VAC14: variants seen among roughly 807,000 people sequenced by gnomAD.
The protein encoded by VAC14 is VAC14 component of PIKFYVE complex.
VAC14 carries 47 observed loss-of-function variants against 85.3 expected under a neutral mutation model. The ratio of observed to expected loss-of-function variants is 0.55; its 90% CI spans 0.44 to 0.70. The LOEUF is 0.70. Ranked by LOEUF, VAC14 falls within the 30% of genes least tolerant of loss-of-function variation. The pLI is 0.00. For synonymous variants in VAC14, 447 were observed against 430.5 expected, an observed-to-expected ratio of 1.04 and a Z score of -0.47; for missense variants, 861 against 1,004.3, an observed-to-expected ratio of 0.86 and a Z score of 1.93.
chr16:70,778,434 T>TA (rs1482722308), intron 9 of VAC14: 5 of 152,076 alleles, frequency 3.3e-5, no homozygotes, highest in African/African-American at 1.2e-4. Flanking sequence ...TTTTTTTTTT[T>TA]AAATTGAGAT....
In VAC14 at chr16:70,758,395, C is replaced by T. The variant is rs780073355; in HGVS notation, c.1371+4145G>A. On this transcript the variant is annotated intron_variant, in intron 12 of 18. Coordinates refer to ENST00000261776, the MANE Select transcript of VAC14 (RefSeq NM_018052.5). ...GTAAGGAAGGTTTAGAGCTAGGATT[C>T]AAGCCAGGGTCATGGCCACCTGTCT... 6.6e-5 allele frequency among the ~76,000 whole-genome samples: 10 copies of T among 152,320 alleles called. No homozygotes were observed. The Middle Eastern group carries it at 0.01, about 155-fold the overall frequency.
In VAC14 at chr16:70,711,224, C is replaced by A. The variant is rs978430415; in HGVS notation, c.1662-12413G>T. Among the ~76,000 whole-genome samples the A allele has an allele frequency of 4.6e-5, 7 of 152,242 alleles. No homozygotes were observed. The South Asian group carries it at 1.4e-3, about 32-fold the overall frequency. On this transcript the variant is annotated intron_variant, in intron 14 of 18. Coordinates refer to ENST00000261776, the MANE Select transcript of VAC14 (RefSeq NM_018052.5). The stretch of plus-strand genomic sequence containing the variant: ...GGAGGTCCACGATCTGTACTCTCAA[C>A]AAGCTTCCGGGGCGGCCAGAGACCT...
rs953224321 is a variant in VAC14, at chr16:70,784,829, C to T, written c.433G>A (p.Asp145Asn). The T allele has an allele frequency of 1.9e-6, 3 of 1,613,988 alleles. No individual in the cohort carries two copies. Among genetic ancestry groups the T allele is most frequent in the Non-Finnish European group, 2.5e-6 (3 of 1,180,000 alleles). The stretch of plus-strand genomic sequence containing the variant: ...CCGCTTTTCACATTGGGGTCTGGGT[C>T]GGCTGCCAGCTGCAAGAGGCACAGA... ...LFDGLSKLAA[D>N]PDPNVKSGSE... The change falls in exon 4 of 19, where the codon GAC becomes AAC. Residue 145 changes from aspartate to asparagine, a missense_variant. Asp to Asn is a conservative substitution (Grantham distance 23, BLOSUM62 1). Coordinates refer to ENST00000261776, the MANE Select transcript of VAC14 (RefSeq NM_018052.5).
At chr16:70,728,485 G>T (rs1341731216) in intron 14 of VAC14, among the ~76,000 whole-genome samples, 1 of 152,198 alleles carries the variant, frequency 6.6e-6, no homozygotes, top group Non-Finnish European at 1.5e-5. Context: ...AGCCCAGGAA[G>T]CCCAGGAGAT....
intron 14 of VAC14, among the ~76,000 whole-genome samples, chr16:70,701,988 T>TCAG (rs1256458459): frequency 6.6e-6 from 1 of 152,158 alleles, no homozygotes; most frequent in Non-Finnish European, 1.5e-5. Flanking sequence ...TGATGAAGCC[T>TCAG]CAGTCTGAAA....
At chr16:70,795,803 T>C (rs2034521212) in intron 1 of VAC14, among the ~76,000 whole-genome samples, 1 of 152,148 alleles carries the variant, frequency 6.6e-6, no homozygotes, top group Admixed American at 6.5e-5. Context: ...ATCAGGTGCG[T>C]TCAGGGAGGT....
chr16:70,783,327 G>A (rs982981517), intron 6 of VAC14, 118 bp downstream of exon 6: 11 of 1,127,494 alleles, frequency 9.8e-6, no homozygotes, highest in African/African-American at 1.5e-5. Flanking sequence ...AAGCACAAGA[G>A]CCAGGAAGAA....
chr16:70,758,873 T>C (rs1462829178), intron 12 of VAC14, among the ~76,000 whole-genome samples: 1 of 152,258 alleles, frequency 6.6e-6, no homozygotes, highest in African/African-American at 2.4e-5. Context: ...CAAATTCTTT[T>C]TGACAAAAGG....
intron 9 of VAC14, among the ~76,000 whole-genome samples, chr16:70,779,990 GCAC>G (rs2033728010): frequency 6.6e-6 from 1 of 150,820 alleles, no homozygotes; most frequent in Non-Finnish European, 1.5e-5. Context: ...CTATAGGTGT[GCAC>G]CACCATATCT....
At chr16:70,724,334 C>T (rs929750555) in intron 14 of VAC14, among the ~76,000 whole-genome samples, 1 of 152,226 alleles carries the variant, frequency 6.6e-6, no homozygotes, top group African/African-American at 2.4e-5. Context: ...CCCACTCCAT[C>T]TCCAGCCACT....
intron 14 of VAC14, chr16:70,715,935 T>C (rs937211380): frequency 6.6e-6 from 1 of 152,242 alleles, no homozygotes; most frequent in Non-Finnish European, 1.5e-5. Flanking sequence ...AGGTCACAAA[T>C]GCGCTGGCTC....
At chr16:70,768,570 T>G in intron 10 of VAC14, 1 of 300,402 alleles carries the variant, frequency 3.3e-6, no homozygotes. Context: ...CTTTTCCAGG[T>G]GGCATTCTTC....
At chr16:70,710,655 T>C (rs1276846904) in intron 14 of VAC14, among the ~76,000 whole-genome samples, 1 of 152,196 alleles carries the variant, frequency 6.6e-6, no homozygotes, top group East Asian at 1.9e-4. Context: ...ATTCCACAGT[T>C]TACAGATGGT....
chr16:70,710,730 C>G (rs2054015797), intron 14 of VAC14, among the ~76,000 whole-genome samples: 2 of 152,264 alleles, frequency 1.3e-5, no homozygotes, highest in Non-Finnish European at 2.9e-5. Flanking sequence ...GGCCCACACT[C>G]GGCCCCTCTG....
intron 1 of VAC14, among the ~76,000 whole-genome samples, chr16:70,787,774 C>T (rs2034136774): frequency 6.6e-6 from 1 of 152,076 alleles, no homozygotes; most frequent in Non-Finnish European, 1.5e-5. Context: ...CGGAAGTAGC[C>T]AACCTTGTCT....
At position 70,762,453 on chromosome 16, in the gene VAC14, T is replaced by G; in HGVS notation, c.1371+87A>C. On this transcript the variant is annotated intron_variant, in intron 12 of 18. Transcript: ENST00000261776. This position sits in a 1 kb window ranked among gnomAD's most constrained non-coding sequence, Gnocchi z 4.1. ...AGCTTTACCTCTAGGAAGGATGCAC[T>G]GTACCAAAATAAGCATATCTCAGTC... The G allele has an allele frequency of 3.7e-6, 5 of 1,338,902 alleles. No homozygotes were observed. Among genetic ancestry groups the G allele is most frequent in the Non-Finnish European group, 5.3e-6 (5 of 943,102 alleles). 82.9% of individuals were successfully genotyped at this position (1,338,902 alleles called of 1,614,324 possible).
chr16:70,743,774 G>A (rs756076191), intron 13 of VAC14, among the ~76,000 whole-genome samples: 3 of 152,212 alleles, frequency 2.0e-5, no homozygotes, highest in Non-Finnish European at 4.4e-5. Flanking sequence ...CCCCCATGGA[G>A]ACACCTGAGA....
intron 14 of VAC14, among the ~76,000 whole-genome samples, chr16:70,729,931 C>A (rs758951553): frequency 1.3e-5 from 2 of 152,036 alleles, no homozygotes; most frequent in Non-Finnish European, 2.9e-5. Context: ...TTCTTCAATA[C>A]CTTCTTTTTG....
intron 9 of VAC14, among the ~76,000 whole-genome samples, chr16:70,776,432 T>C (rs1451655234): frequency 6.6e-6 from 1 of 152,212 alleles, no homozygotes. Flanking sequence ...AAAGGATTAA[T>C]GGCCCTGTCA....
Sources: allele counts gnomAD v4.1 joint callset (sites outside exome capture counted in the v4.1 genomes callset), GRCh38; gene constraint gnomAD v4.1.1; non-coding constraint Gnocchi (gnomAD v3.1); transcripts MANE v1.5; gene names NCBI Gene and HGNC (gene_info 2026-07-23, HGNC 2026-07-21).